The following CSMD1 variants were observed in gnomAD, a reference collection of about 807,000 sequenced individuals.
CSMD1 encodes the protein CUB and sushi domain-containing protein 1.
A neutral mutation model predicts 417.5 loss-of-function variants in CSMD1; 213 were observed. The observed-to-expected ratio is 0.51, with a 90% CI of 0.46 to 0.57. CSMD1 has a LOEUF of 0.57. Ranked by LOEUF, CSMD1 falls within the 20% of genes least tolerant of loss-of-function variation. The pLI is 0.00. For synonymous variants in CSMD1, 2,862 were observed against 1,736.8 expected (o/e 1.65, Z -16.11); for missense variants, 6,923 against 4,529.7 (o/e 1.53, Z -15.17).
chr8:3,752,304 C>A (rs545611012), intron 6 of CSMD1, among the ~76,000 whole-genome samples: 3 of 152,230 alleles, frequency 2.0e-5, no homozygotes, highest in Non-Finnish European at 2.9e-5. Flanking sequence ...AAGCTAAGAA[C>A]CTTCCGGCAA....
At chr8:3,359,483 G>A (rs543090237) in intron 20 of CSMD1, 143 bp from the exon 21 acceptor site, 35 of 615,232 alleles carry the variant, frequency 5.7e-5, no homozygotes, top group East Asian at 1.1e-4. Flanking sequence ...TAACTGTTAC[G>A]TGCATTTTTT....
chr8:4,650,800 T>C (rs1803848309), intron 1 of CSMD1, among the ~76,000 whole-genome samples: 1 of 152,240 alleles, frequency 6.6e-6, no homozygotes, highest in African/African-American at 2.4e-5. Context: ...TATTCTTCTT[T>C]ATTTTACCCA....
intron 3 of CSMD1, among the ~76,000 whole-genome samples, chr8:4,328,241 AATTTT>A (rs1563060009): frequency 8.1e-6 from 1 of 123,234 alleles, no homozygotes; most frequent in African/African-American, 3.6e-5. Flanking sequence ...CACTCAATAC[AATTTT>A]TTTTTTTTTT....
intron 3 of CSMD1, among the ~76,000 whole-genome samples, chr8:4,070,042 G>A (rs990876005): frequency 6.6e-6 from 1 of 151,880 alleles, no homozygotes; most frequent in Non-Finnish European, 1.5e-5. Context: ...ACTTATTGGT[G>A]TTTTAACTAT....
chr8:3,288,779 T>G (rs1803337141), intron 25 of CSMD1, among the ~76,000 whole-genome samples: 3 of 146,942 alleles, frequency 2.0e-5, no homozygotes, highest in South Asian at 4.2e-4. Context: ...TTTTGAAGGG[T>G]TTTTCTCTTT....
chr8:4,118,446 C>G (rs1802287180), intron 3 of CSMD1, among the ~76,000 whole-genome samples: 1 of 150,698 alleles, frequency 6.6e-6, no homozygotes, highest in Non-Finnish European at 1.5e-5. Flanking sequence ...TGGACAGTCA[C>G]TTCTCAAAAG....
intron 3 of CSMD1, among the ~76,000 whole-genome samples, chr8:4,281,661 C>G (rs996002248): frequency 6.6e-6 from 1 of 152,116 alleles, no homozygotes; most frequent in East Asian, 1.9e-4. Flanking sequence ...ACATATAATT[C>G]TATATAGTAA....
At chr8:4,885,008 C>T (rs1391195535) in intron 1 of CSMD1, among the ~76,000 whole-genome samples, 1 of 152,060 alleles carries the variant, frequency 6.6e-6, no homozygotes. Context: ...TTTAGGTCTT[C>T]TTTAATTCTT....
chr8:3,213,041 G>A (rs912003368), intron 30 of CSMD1, among the ~76,000 whole-genome samples: 1 of 151,800 alleles, frequency 6.6e-6, no homozygotes, highest in East Asian at 1.9e-4. Context: ...TGTTAGCCAT[G>A]GTCTCGAACT....
intron 1 of CSMD1, among the ~76,000 whole-genome samples, chr8:4,700,011 C>T (rs1023784532): frequency 2.6e-5 from 4 of 152,170 alleles, no homozygotes; most frequent in South Asian, 2.1e-4. Context: ...TTCTTCATCT[C>T]GCTAATCTTA....
intron 3 of CSMD1, among the ~76,000 whole-genome samples, chr8:4,123,580 A>T (rs1438618288): frequency 6.6e-6 from 1 of 152,192 alleles, no homozygotes; most frequent in African/African-American, 2.4e-5. Flanking sequence ...ATTCAACGTT[A>T]ATTTCTATGG....
intron 3 of CSMD1, among the ~76,000 whole-genome samples, chr8:4,372,619 G>A (rs769927600): frequency 3.4e-4 from 43 of 125,648 alleles, no homozygotes; most frequent in African/African-American, 1.3e-3. Flanking sequence ...CTGTCAGAAA[G>A]TAAGGAAGTG....
chr8:4,764,998 T>G (rs1812363870), intron 1 of CSMD1, among the ~76,000 whole-genome samples: 1 of 151,866 alleles, frequency 6.6e-6, no homozygotes, highest in African/African-American at 2.4e-5. Context: ...TTGAATACCC[T>G]GGAATGGCTA....
chr8:4,359,746 A>C (rs546119459), intron 3 of CSMD1, among the ~76,000 whole-genome samples: 1 of 152,314 alleles, frequency 6.6e-6, no homozygotes, highest in East Asian at 1.9e-4. Context: ...CCACTTCTAC[A>C]TTCATTCCAA....
intron 49 of CSMD1, among the ~76,000 whole-genome samples, chr8:3,057,310 C>A (rs1488668680): frequency 6.6e-6 from 1 of 151,988 alleles, no homozygotes; most frequent in Non-Finnish European, 1.5e-5. Context: ...CTTGCAAATA[C>A]AAATATGCAC....
chr8:3,279,146 G>C (rs534317414), intron 26 of CSMD1: 3 of 152,146 alleles, frequency 2.0e-5, no homozygotes, highest in South Asian at 2.1e-4. Context: ...CAGCGTCTTC[G>C]TGTTCCAGCC....
At chr8:4,068,999 T>G (rs571897997) in intron 3 of CSMD1, among the ~76,000 whole-genome samples, 1 of 152,356 alleles carries the variant, frequency 6.6e-6, no homozygotes, top group African/African-American at 2.4e-5. Context: ...CTTGGAAAGA[T>G]AACCCAGTAG....
chr8:4,081,857 A>T (rs1800152280), intron 3 of CSMD1, among the ~76,000 whole-genome samples: 1 of 152,192 alleles, frequency 6.6e-6, no homozygotes, highest in Non-Finnish European at 1.5e-5. Flanking sequence ...AAATAATTAG[A>T]AAAATAAGAC....
Position 3,924,579 on chromosome 8 carries a change from G to A in CSMD1, c.818+73324C>T, listed in dbSNP as rs536264481. ...GTGTATCAGTTTTGTCCCTGTGACT[G>A]GATAATTTTAAATGATCTGTCTTAT... On this transcript the variant is annotated intron_variant, in intron 5 of 69. Transcript: ENST00000635120. 1.9e-3 allele frequency among the ~76,000 whole-genome samples: 289 copies of A among 152,210 alleles called. 1 individual carries two copies. Among genetic ancestry groups the A allele is most frequent in the African/African-American group, 6.6e-3 (273 of 41,546 alleles).
Sources: allele counts gnomAD v4.1 joint callset (sites outside exome capture counted in the v4.1 genomes callset), GRCh38; gene constraint gnomAD v4.1.1; transcripts MANE v1.5; gene names NCBI Gene and HGNC (gene_info 2026-07-23, HGNC 2026-07-21).